The following MARCHF1 variants were observed in gnomAD, a reference collection of about 807,000 sequenced individuals.
MARCHF1 encodes E3 ubiquitin-protein ligase MARCHF1.
In MARCHF1, 40 loss-of-function variants were observed where a neutral mutation model predicts 54.2. The observed-to-expected ratio is 0.74, with a 90% confidence interval of 0.57 to 0.96. MARCHF1 has a LOEUF of 0.96. MARCHF1 is among the 40% of genes least tolerant of loss of function. MARCHF1 has a pLI of 0.00. For missense variants in MARCHF1, 586 were observed against 656.5 expected, an observed-to-expected ratio of 0.89 and a Z score of 1.17; for synonymous variants, 236 against 236.3, an observed-to-expected ratio of 1.00 and a Z score of 0.01.
chr4:163,986,570 CTTCT>C (rs1472318120), intron 3 of MARCHF1, among the ~76,000 whole-genome samples: 1 of 152,050 alleles, frequency 6.6e-6, no homozygotes, highest in Non-Finnish European at 1.5e-5. Context: ...CGGCCAACTT[CTTCT>C]TTCTTTAAGA....
In MARCHF1 at chr4:164,212,804, G is replaced by T. The variant is rs147873675; in HGVS notation, c.-322-101142C>A. Among the ~76,000 whole-genome samples the T allele has an allele frequency of 2.0e-3, 297 of 152,194 alleles. 1 individual carries two copies. The highest frequency in any genetic ancestry group is 6.6e-3 in the African/African-American group (276 of 41,536). ...AATCATCATGCTAGCCATATGAGGT[G>T]CCATTATTCTCCCCATTTTACAAGA... On this transcript the variant is annotated intron_variant, in intron 1 of 9. Coordinates refer to ENST00000514618, the MANE Select transcript of MARCHF1 (RefSeq NM_001394959.1).
intron 8 of MARCHF1, among the ~76,000 whole-genome samples, chr4:163,555,487 T>G (rs1320199638): frequency 1.3e-5 from 2 of 152,150 alleles, no homozygotes; most frequent in Admixed American, 1.3e-4. Flanking sequence ...AAAGTTTAAT[T>G]AATAGATGCA....
chr4:164,160,824 A>T (rs566620224), intron 1 of MARCHF1, among the ~76,000 whole-genome samples: 28 of 152,286 alleles, frequency 1.8e-4, no homozygotes, highest in African/African-American at 6.5e-4. Context: ...AATTTTAAAG[A>T]TCAGAAAGTG....
At chr4:164,276,290 TTCAG>T (rs1380596824) in intron 1 of MARCHF1, among the ~76,000 whole-genome samples, 3 of 152,250 alleles carry the variant, frequency 2.0e-5, no homozygotes, top group East Asian at 3.9e-4. Flanking sequence ...CTTTCTTGAA[TTCAG>T]TCAAACAACG....
At chr4:164,240,998 G>T (rs1488482838) in intron 1 of MARCHF1, among the ~76,000 whole-genome samples, 1 of 152,066 alleles carries the variant, frequency 6.6e-6, no homozygotes, top group African/African-American at 2.4e-5. Context: ...CACGACTGGG[G>T]ACTTTTTCCC....
At chr4:164,016,252 ACATGCAGC>A (rs1753540961) in intron 2 of MARCHF1, among the ~76,000 whole-genome samples, 3 of 152,154 alleles carry the variant, frequency 2.0e-5, no homozygotes, top group Non-Finnish European at 4.4e-5. Context: ...GGCACATCTT[ACATGCAGC>A]AGGCAAGGAG....
intron 1 of MARCHF1, among the ~76,000 whole-genome samples, chr4:164,326,932 C>G (rs533791310): frequency 1.4e-5 from 2 of 146,276 alleles, no homozygotes; most frequent in Middle Eastern, 7.4e-3. Context: ...ATAATAGTAC[C>G]TACCTCATAG....
intron 5 of MARCHF1, among the ~76,000 whole-genome samples, chr4:163,666,957 T>C (rs979619938): frequency 6.6e-6 from 1 of 152,154 alleles, no homozygotes; most frequent in Non-Finnish European, 1.5e-5. Flanking sequence ...CTTCTATCTA[T>C]ACCCTGCTTT....
At chr4:163,763,096 T>C (rs944253323) in intron 4 of MARCHF1, among the ~76,000 whole-genome samples, 5 of 152,122 alleles carry the variant, frequency 3.3e-5, no homozygotes, top group African/African-American at 4.8e-5. Context: ...TTATAGTTCC[T>C]ATTTCACTAT....
chr4:163,755,849 G>T (rs1357132464), intron 4 of MARCHF1, among the ~76,000 whole-genome samples: 1 of 152,124 alleles, frequency 6.6e-6, no homozygotes, highest in Non-Finnish European at 1.5e-5. Context: ...CTATGTAAAG[G>T]TGTACATGAA....
chr4:164,143,072 G>A (rs1756592525), intron 1 of MARCHF1, among the ~76,000 whole-genome samples: 1 of 146,684 alleles, frequency 6.8e-6, no homozygotes, highest in South Asian at 2.3e-4. Context: ...AAGGGTATCA[G>A]CAATGGAAGA....
At chr4:163,907,913 G>T (rs1751106833) in intron 3 of MARCHF1, among the ~76,000 whole-genome samples, 1 of 152,110 alleles carries the variant, frequency 6.6e-6, no homozygotes, top group Non-Finnish European at 1.5e-5. Context: ...AAGGTCGCTT[G>T]AGAATCATAC....
In MARCHF1 at chr4:164,248,099, C is replaced by G. The variant is rs527730907; in HGVS notation, c.-323+135771G>C. ...CTTACAACCACACACAAGTCAGGACCTAGAGAAAATTAGGACCTATATTAT... is the reference window on the plus strand; with the variant it reads ...CTTACAACCACACACAAGTCAGGACGTAGAGAAAATTAGGACCTATATTAT... On this transcript the variant is annotated intron_variant, in intron 1 of 9. Transcript: ENST00000514618. Among the ~76,000 whole-genome samples the G allele has an allele frequency of 4.0e-5, 6 of 151,862 alleles. No homozygotes were observed. The South Asian group carries it at 1.3e-3, about 32-fold the overall frequency.
chr4:164,367,135 G>A (rs1231709160), intron 1 of MARCHF1, among the ~76,000 whole-genome samples: 3 of 152,028 alleles, frequency 2.0e-5, no homozygotes, highest in Admixed American at 6.6e-5. Flanking sequence ...TACAAGTATA[G>A]TCATATTTCA....
At chr4:164,287,944 A>T (rs1734192125) in intron 1 of MARCHF1, among the ~76,000 whole-genome samples, 1 of 152,192 alleles carries the variant, frequency 6.6e-6, no homozygotes, top group African/African-American at 2.4e-5. Context: ...ATCACAACAT[A>T]CTGAAATGAA....
intron 9 of MARCHF1, chr4:163,530,042 T>C (rs569398544): frequency 9.2e-5 from 14 of 152,098 alleles, no homozygotes; most frequent in African/African-American, 3.1e-4. Flanking sequence ...TGATTTGACT[T>C]TGGATTTTTA....
chr4:163,891,071 T>G (rs1750650841), intron 3 of MARCHF1, among the ~76,000 whole-genome samples: 1 of 152,122 alleles, frequency 6.6e-6, no homozygotes, highest in African/African-American at 2.4e-5. Flanking sequence ...AAAAGCAAGC[T>G]TTAGAGCCCA....
At chr4:164,110,370 T>C (rs996151) in intron 2 of MARCHF1, among the ~76,000 whole-genome samples, 7 of 151,880 alleles carry the variant, frequency 4.6e-5, no homozygotes, top group Non-Finnish European at 7.4e-5. Context: ...ACAATATATG[T>C]TAAAATTTGT....
At chr4:163,867,908 A>C (rs1750088952) in intron 3 of MARCHF1, among the ~76,000 whole-genome samples, 1 of 141,152 alleles carries the variant, frequency 7.1e-6, no homozygotes, top group Admixed American at 7.6e-5. Context: ...CCTGCCTCAT[A>C]CTCTCACACT....
Sources: gnomAD v4.1 joint callset for allele counts (sites outside exome capture counted in the v4.1 genomes callset) on GRCh38, gnomAD v4.1.1 for gene constraint, MANE v1.5 for transcripts, NCBI Gene and HGNC (gene_info 2026-07-23, HGNC 2026-07-21) for gene names.